ANAPC15: variants seen among roughly 807,000 people sequenced by gnomAD.
The protein encoded by ANAPC15 is anaphase-promoting complex subunit 15.
Under a neutral mutation model 19.8 loss-of-function variants are expected in ANAPC15, and 13 were observed. The ratio of observed to expected loss-of-function variants is 0.66; its 90% CI spans 0.43 to 1.04. The LOEUF is 1.04. ANAPC15 is among the 50% of genes least tolerant of loss of function. The pLI is 0.00. For synonymous variants in ANAPC15, 45 were observed against 50.7 expected (o/e 0.89, Z 0.47); for missense variants, 88 against 150.3 (o/e 0.59, Z 2.17).
intron 3 of ANAPC15, 131 bp from the exon 4 acceptor site, chr11:72,110,734 G>A: frequency 1.1e-6 from 1 of 874,028 alleles, no homozygotes; most frequent in South Asian, 1.7e-5. Flanking sequence ...TTCTCAGGGA[G>A]ATACAATCCC....
chr11:72,111,083 G>A (rs1391243936), intron 3 of ANAPC15, 74 bp downstream of exon 3: 2 of 994,466 alleles, frequency 2.0e-6, no homozygotes, highest in Non-Finnish European at 3.0e-6. Flanking sequence ...TCTGGAGTAA[G>A]GCTGGGTCAT....
At chr11:72,107,955 G>T (rs1945861842), downstream of ANAPC15, 1 of 1,551,566 alleles carries the variant, frequency 6.4e-7, no homozygotes, top group Admixed American at 2.0e-5. Context: ...GGAGGAGAAG[G>T]CCCCTGCTTG....
rs1469899576 is a variant in ANAPC15 at position 72,110,150 on chromosome 11, T to A, written c.256A>T (p.Met86Leu). ...SEEDSEDDEDMQDMDEMNDYN... is the reference protein window; with the variant it reads ...SEEDSEDDEDLQDMDEMNDYN... ...TCATTCATCTCGTCCATGTCCTGCA[T>A]ATCCTCATCATCCTCTGAGTCCTCT... The change falls in exon 5 of 6, where the codon ATG becomes TTG. Residue 86 changes from methionine (M) to leucine (L), a missense_variant. Transcript: ENST00000227618. 4 of 1,614,092 alleles carry A rather than the reference T, an allele frequency of 2.5e-6. No homozygotes were observed. The highest frequency in any genetic ancestry group is 3.4e-6 in the Non-Finnish European group (4 of 1,180,048).
In ANAPC15 at chr11:72,109,785, G is replaced by A. The variant is rs1946187692; in HGVS notation, c.*96C>T. On this transcript the variant is annotated 3_prime_UTR_variant, in exon 6 of 6. Coordinates refer to ENST00000227618, the MANE Select transcript of ANAPC15 (RefSeq NM_014042.3). ...CCCAAGGGCACTTTCAGGCACTGGG[G>A]CCATCAGCTGGTTCTGTGGGCAGGG... The A allele has an allele frequency of 6.7e-7, 1 of 1,502,104 alleles. No homozygotes were observed. Among genetic ancestry groups the A allele is most frequent in the Middle Eastern group, 2.4e-4 (1 of 4,228 alleles). The allele number at this position is 1,502,104 out of a possible 1,614,324, so 93.0% of individuals were successfully genotyped here.
At chr11:72,109,973 C>T in intron 5 of ANAPC15, 45 bp from the exon 6 acceptor site, 1 of 1,614,030 alleles carries the variant, frequency 6.2e-7, no homozygotes, top group Non-Finnish European at 8.5e-7. Context: ...CTCAGCCAGC[C>T]TCAGCCCCAG....
Position 72,110,236 on chromosome 11 carries a change from G to A in ANAPC15, c.181-11C>T, listed in dbSNP as rs1187077471. ...CTCGTCATCATAGTGCTGGTGGGCA[G>A]GACAGAGCCTGTAAGCCCTACAGGC... On this transcript the variant is annotated splice_polypyrimidine_tract_variant and intron_variant, in intron 4 of 5. Coordinates refer to ENST00000227618, the MANE Select transcript of ANAPC15 (RefSeq NM_014042.3). The A allele has an allele frequency of 1.2e-6, 2 of 1,612,980 alleles. No homozygotes were observed. The highest frequency in any genetic ancestry group is 8.5e-7 in the Non-Finnish European group (1 of 1,180,012).
At chr11:72,106,414 A>T (rs1031174889), downstream of ANAPC15, 1 of 553,144 alleles carries the variant, frequency 1.8e-6, no homozygotes, top group African/African-American at 1.9e-5. Flanking sequence ...TGTATTAGGA[A>T]TGTGCTAGGT....
downstream of ANAPC15, among the ~76,000 whole-genome samples, chr11:72,108,428 A>G (rs1945948847): frequency 6.6e-6 from 1 of 152,264 alleles, no homozygotes; most frequent in Non-Finnish European, 1.5e-5. Context: ...TAGCTTCTTC[A>G]GAATGGAAAT....
chr11:72,107,483 G>T (rs192244683), downstream of ANAPC15: 46 of 702,916 alleles, frequency 6.5e-5, 1 homozygote, highest in Admixed American at 7.8e-4. Context: ...GGGGTGGGAA[G>T]GGCAAAGCCA....
chr11:72,109,804 G>T lies in ANAPC15; in HGVS notation c.*77C>A. 1 of 1,577,126 alleles carries T rather than the reference G, an allele frequency of 6.3e-7. No homozygotes were observed. The highest frequency in any genetic ancestry group is 8.7e-7 in the Non-Finnish European group (1 of 1,148,270). ...ACTGGGGCCATCAGCTGGTTCTGTGGGCAGGGGTTGGGGGTTGGGATGCAG... is the reference window on the plus strand; with the variant it reads ...ACTGGGGCCATCAGCTGGTTCTGTGTGCAGGGGTTGGGGGTTGGGATGCAG... On this transcript the variant is annotated 3_prime_UTR_variant, in exon 6 of 6. Transcript: ENST00000227618.
chr11:72,111,246 G>C lies in ANAPC15; in HGVS notation c.31C>G (p.Arg11Gly). The C allele has an allele frequency of 6.2e-7, 1 of 1,613,994 alleles. No individual in the cohort carries two copies. The highest frequency in any genetic ancestry group is 8.5e-7 in the Non-Finnish European group (1 of 1,179,844). The change falls in exon 3 of 6, where the codon CGT becomes GGT. Residue 11 changes from arginine (R) to glycine (G), a missense_variant. Transcript: ENST00000227618. ...TTAAACCACAGAGTCTCAGTCACAC[G>C]AGGGAAGAGTGAGGGGAACAAAGTG... MSTLFPSLFP[R>G]VTETLWFNLD...
chr11:72,110,190 A>G lies in ANAPC15; in HGVS notation c.216T>C (p.Asp72=), dbSNP rs17161980. 121,219 of 1,613,710 alleles carry G rather than the reference A, an allele frequency of 0.075. 6,587 individuals are homozygous for G. Among genetic ancestry groups the G allele is most frequent in the East Asian group, 0.23 (10,124 of 44,832 alleles). ...YDDEEEEDDE[D]DEDSEEDSED... ...CTGAGTCCTCTTCACTATCCTCATC[A>G]TCTTCATCATCCTCTTCTTCCTCGT... The change falls in exon 5 of 6, where the codon GAT becomes GAC. Residue 72 remains aspartate (D), a synonymous_variant. Coordinates refer to ENST00000227618, the MANE Select transcript of ANAPC15 (RefSeq NM_014042.3).
downstream of ANAPC15, chr11:72,106,455 G>T: frequency 2.5e-6 from 1 of 405,150 alleles, no homozygotes; most frequent in Non-Finnish European, 4.4e-6. Context: ...CCACAGAGAT[G>T]AATGAGCCAC....
At chr11:72,106,627 C>T (rs2135189944), downstream of ANAPC15, 1 of 157,440 alleles carries the variant, frequency 6.4e-6, no homozygotes, top group South Asian at 2.0e-4. Flanking sequence ...TCAATCCCAG[C>T]ATAAGTGCTT....
Position 72,109,672 on chromosome 11 carries a change from T to G in ANAPC15, c.*209A>C. On this transcript the variant is annotated 3_prime_UTR_variant, in exon 6 of 6. Transcript: ENST00000227618. ...TGAGGTACTGGCCAGGAAGGTGGAG[T>G]AGGTTTCAGGCCCTGGGGATTTCAA... 1 of 622,792 alleles carries G rather than the reference T, an allele frequency of 1.6e-6. No individual in the cohort carries two copies. Among genetic ancestry groups the G allele is most frequent in the South Asian group, 1.9e-5 (1 of 51,812 alleles). The allele number at this position is 622,792 out of a possible 1,614,324, so 38.6% of individuals were successfully genotyped here.
intron 4 of ANAPC15, 133 bp from the exon 5 acceptor site, chr11:72,110,358 CT>C: frequency 6.4e-7 from 1 of 1,557,622 alleles, no homozygotes; most frequent in Non-Finnish European, 8.7e-7. Context: ...GTCTAGCAGG[CT>C]GGTGCATGTT....
chr11:72,112,592 T>G (rs1947315614), intron 1 of ANAPC15, 58 bp downstream of exon 1: 8 of 449,006 alleles, frequency 1.8e-5, no homozygotes, highest in South Asian at 1.2e-4. Flanking sequence ...TGGGTTTCTC[T>G]GGGGGAAAAA....
chr11:72,109,509 G>A, downstream of ANAPC15: 1 of 390,938 alleles, frequency 2.6e-6, no homozygotes, highest in Non-Finnish European at 4.9e-6. Context: ...GATGTCCCTT[G>A]AGTGCCCTCT....
At chr11:72,112,752 G>A (rs538372734), upstream of ANAPC15, 8 of 456,344 alleles carry the variant, frequency 1.8e-5, no homozygotes, top group Non-Finnish European at 3.5e-5. Context: ...TGCGTCCTTC[G>A]TCTCCTTTTG....
Sources: allele counts gnomAD v4.1 joint callset (sites outside exome capture counted in the v4.1 genomes callset), GRCh38; gene constraint gnomAD v4.1.1; transcripts MANE v1.5; gene names NCBI Gene and HGNC (gene_info 2026-07-23, HGNC 2026-07-21).